The following DLG2 variants were observed in gnomAD, a reference collection of about 807,000 sequenced individuals.
DLG2 encodes disks large homolog 2.
Under a neutral mutation model 132.5 loss-of-function variants are expected in DLG2, and 45 were observed. That is an observed-to-expected ratio of 0.34 (90% CI 0.27 to 0.44). The LOEUF is 0.44. DLG2 is among the 20% of genes least tolerant of loss of function. The pLI, the probability that DLG2 is intolerant of heterozygous loss-of-function variation, is 1.00. For synonymous variants in DLG2, 424 were observed against 419.6 expected (o/e 1.01, Z -0.13); for missense variants, 1,045 against 1,196.9 (o/e 0.87, Z 1.87).
chr11:85,471,827 A>T (rs774479358), intron 3 of DLG2, among the ~76,000 whole-genome samples: 34 of 152,270 alleles, frequency 2.2e-4, no homozygotes, highest in Admixed American at 9.2e-4. Flanking sequence ...AAAAGACATG[A>T]TTTTTTTCAT....
intron 3 of DLG2, among the ~76,000 whole-genome samples, chr11:85,361,053 C>T (rs1186322375): frequency 6.6e-6 from 1 of 151,940 alleles, no homozygotes; most frequent in Non-Finnish European, 1.5e-5. Flanking sequence ...TTTTATGGAT[C>T]AGGAAAACAG....
At chr11:84,958,757 T>C (rs975313790) in intron 6 of DLG2, among the ~76,000 whole-genome samples, 2 of 152,182 alleles carry the variant, frequency 1.3e-5, no homozygotes, top group African/African-American at 4.8e-5. Flanking sequence ...CTACAGAATT[T>C]CAGTGGCCAA....
chr11:83,733,635 C>T (rs186346450), intron 18 of DLG2, among the ~76,000 whole-genome samples: 32 of 152,330 alleles, frequency 2.1e-4, no homozygotes, highest in African/African-American at 7.2e-4. Context: ...ACTTACTCTT[C>T]TGGCTTCTTC....
At chr11:83,867,630 TG>T (rs1255178612) in intron 16 of DLG2, among the ~76,000 whole-genome samples, 1 of 152,200 alleles carries the variant, frequency 6.6e-6, no homozygotes, top group African/African-American at 2.4e-5. Flanking sequence ...TTTGCTATTT[TG>T]TTAGTCCTTG....
chr11:85,054,413 C>T (rs1200125493), intron 6 of DLG2, among the ~76,000 whole-genome samples: 1 of 152,188 alleles, frequency 6.6e-6, no homozygotes, highest in African/African-American at 2.4e-5. Flanking sequence ...TGCTTATACA[C>T]TGCTCGTGAG....
intron 10 of DLG2, among the ~76,000 whole-genome samples, chr11:84,078,259 G>T (rs925817123): frequency 5.9e-5 from 9 of 152,148 alleles, no homozygotes; most frequent in Non-Finnish European, 1.2e-4. Flanking sequence ...TAAACAGGTA[G>T]ATGGGAATGG....
In DLG2 at chr11:83,801,059, G is replaced by C. The variant is rs113310046; in HGVS notation, c.1723-14267C>G. On this transcript the variant is annotated intron_variant, in intron 17 of 27. Transcript: ENST00000376104. ...AAAATTTCTCCCAAACATGTTTCTC[G>C]AGAGTTTTCTCATTTTCAGCAAACA... is the stretch of plus-strand genomic sequence containing the variant. Among the ~76,000 whole-genome samples, 443 of 152,086 alleles carry C rather than the reference G, an allele frequency of 2.9e-3. 12 individuals are homozygous for C. The highest frequency in any genetic ancestry group is 0.027 in the Admixed American group (411 of 15,274).
intron 19 of DLG2, among the ~76,000 whole-genome samples, chr11:83,565,721 T>C (rs74698987): frequency 0.012 from 1,794 of 152,306 alleles, 26 homozygotes; most frequent in African/African-American, 0.041. Flanking sequence ...ACAAACACTG[T>C]AACAAATGAT....
intron 6 of DLG2, among the ~76,000 whole-genome samples, chr11:84,654,248 C>G (rs2099685506): frequency 6.6e-6 from 1 of 152,280 alleles, no homozygotes; most frequent in East Asian, 1.9e-4. Flanking sequence ...CCATCTCTCA[C>G]TGAATCTTGA....
chr11:84,835,358 T>C (rs543821456), intron 6 of DLG2, among the ~76,000 whole-genome samples: 2 of 151,744 alleles, frequency 1.3e-5, no homozygotes, highest in Non-Finnish European at 2.9e-5. Context: ...TTATGATAGA[T>C]GCAAATTTGG....
chr11:83,786,638 C>T (rs1231690332), intron 18 of DLG2, 52 bp downstream of exon 18: 2 of 1,468,052 alleles, frequency 1.4e-6, no homozygotes, highest in Admixed American at 3.4e-5. Context: ...AATGAGGGTA[C>T]AGATCCACAC....
intron 3 of DLG2, among the ~76,000 whole-genome samples, chr11:85,529,839 A>T (rs1046927819): frequency 6.6e-6 from 1 of 152,226 alleles, no homozygotes; most frequent in Non-Finnish European, 1.5e-5. Flanking sequence ...CCAGACAAGG[A>T]GATGAGTTTG....
intron 3 of DLG2, among the ~76,000 whole-genome samples, chr11:85,594,463 T>C (rs1289261722): frequency 6.6e-6 from 1 of 152,150 alleles, no homozygotes; most frequent in Non-Finnish European, 1.5e-5. Flanking sequence ...TTCCCTCTAA[T>C]TCCTCTCCAA....
intron 9 of DLG2, among the ~76,000 whole-genome samples, chr11:84,160,895 A>G (rs1258199749): frequency 6.6e-6 from 1 of 152,198 alleles, no homozygotes; most frequent in African/African-American, 2.4e-5. Context: ...AAACATATTA[A>G]GGCAGGTCAA....
intron 6 of DLG2, among the ~76,000 whole-genome samples, chr11:84,650,873 G>GTGTGTGTATATATATATATATA (rs1424393386): frequency 1.2e-4 from 15 of 123,970 alleles, no homozygotes; most frequent in African/African-American, 4.8e-4. Context: ...GTGTGTGTGT[G>GTGTGTGTATATATATATATATA]TATATATATA....
intron 16 of DLG2, among the ~76,000 whole-genome samples, chr11:83,844,570 AGGGCCTG>A: frequency 6.9e-6 from 1 of 144,414 alleles, no homozygotes; most frequent in Admixed American, 6.8e-5. Flanking sequence ...AAAAAAAAAA[AGGGCCTG>A]GGGAACTAAT....
Position 85,554,675 on chromosome 11 carries a change from G to C in DLG2, c.40+43982C>G, listed in dbSNP as rs902529895. Among the ~76,000 whole-genome samples the C allele has an allele frequency of 2.0e-5, 3 of 151,816 alleles. 1 individual carries two copies. Among genetic ancestry groups the C allele is most frequent in the Non-Finnish European group, 2.9e-5 (2 of 67,876 alleles). ...ATGAAAGCCCAAGAGATTAGGACTG[G>C]GGGGAGCTGAATTCTGCTAAGATGT... On this transcript the variant is annotated intron_variant, in intron 3 of 27. Transcript: ENST00000376104.
intron 7 of DLG2, among the ~76,000 whole-genome samples, chr11:84,337,316 T>C (rs932928240): frequency 6.6e-6 from 1 of 152,174 alleles, no homozygotes; most frequent in Non-Finnish European, 1.5e-5. Flanking sequence ...TGTACTTAGC[T>C]CAATAGTGTA....
At chr11:84,740,717 A>G (rs897943138) in intron 6 of DLG2, among the ~76,000 whole-genome samples, 11 of 152,136 alleles carry the variant, frequency 7.2e-5, no homozygotes, top group African/African-American at 2.4e-4. Flanking sequence ...CACAGCAGGG[A>G]AACCAACCCC....
Sources: gnomAD v4.1 joint callset for allele counts (sites outside exome capture counted in the v4.1 genomes callset) on GRCh38, gnomAD v4.1.1 for gene constraint, MANE v1.5 for transcripts, NCBI Gene and HGNC (gene_info 2026-07-23, HGNC 2026-07-21) for gene names.